The following OPRD1 variants were observed in gnomAD, a reference collection of about 807,000 sequenced individuals.
The protein encoded by OPRD1 is opioid receptor delta 1.
In OPRD1, 19 loss-of-function variants were observed where a neutral mutation model predicts 17.5. The ratio of observed to expected loss-of-function variants is 1.09; its 90% CI spans 0.76 to 1.60. The LOEUF is 1.60. Among genes scored for constraint, OPRD1 ranks in the 40% most tolerant of loss-of-function variants. The pLI is 0.00. For synonymous variants in OPRD1, 256 were observed against 240.9 expected, an observed-to-expected ratio of 1.06 and a Z score of -0.58; for missense variants, 483 against 547.2, an observed-to-expected ratio of 0.88 and a Z score of 1.17.
intron 1 of OPRD1, among the ~76,000 whole-genome samples, chr1:28,829,755 G>A (rs2088796348): frequency 6.6e-6 from 1 of 152,290 alleles, no homozygotes; most frequent in East Asian, 1.9e-4. Context: ...TGTCGCCCAG[G>A]CTGGAGTGCA....
intron 1 of OPRD1, among the ~76,000 whole-genome samples, chr1:28,852,365 A>T (rs2089013234): frequency 6.6e-6 from 1 of 152,124 alleles, no homozygotes; most frequent in South Asian, 2.1e-4. Context: ...AGTGGAGAAA[A>T]TTGGCGCAAT....
At chr1:28,852,592 C>T (rs2089015159) in intron 1 of OPRD1, among the ~76,000 whole-genome samples, 2 of 152,066 alleles carry the variant, frequency 1.3e-5, no homozygotes, top group African/African-American at 4.8e-5. Context: ...ATCGTTTGAG[C>T]CCAGGAGATG....
chr1:28,846,869 T>A, intron 1 of OPRD1, among the ~76,000 whole-genome samples: 2 of 102,032 alleles, frequency 2.0e-5, no homozygotes, highest in Non-Finnish European at 4.2e-5. Flanking sequence ...TTTCTTTCTT[T>A]CTTTCTTTCT....
chr1:28,855,493 T>C (rs1408104193), intron 1 of OPRD1, among the ~76,000 whole-genome samples: 1 of 151,730 alleles, frequency 6.6e-6, no homozygotes, highest in Non-Finnish European at 1.5e-5. Context: ...ATGATTTGTC[T>C]TGGGGCTGGA....
chr1:28,842,325 G>A (rs904563469), intron 1 of OPRD1, among the ~76,000 whole-genome samples: 7 of 152,296 alleles, frequency 4.6e-5, no homozygotes, highest in East Asian at 1.9e-4. Flanking sequence ...CACTGCACCC[G>A]GCCTGAGCAC....
At chr1:28,817,322 G>A (rs1037420550) in intron 1 of OPRD1, among the ~76,000 whole-genome samples, 1 of 152,200 alleles carries the variant, frequency 6.6e-6, no homozygotes, top group African/African-American at 2.4e-5. Context: ...GCAAAGCACC[G>A]CGTTTTCCCT....
intron 1 of OPRD1, among the ~76,000 whole-genome samples, chr1:28,827,489 C>T (rs576620918): frequency 2.0e-5 from 3 of 152,188 alleles, no homozygotes; most frequent in African/African-American, 7.2e-5. Flanking sequence ...GCCATTGCGC[C>T]TAGCTTCAAG....
intron 1 of OPRD1, among the ~76,000 whole-genome samples, chr1:28,819,478 G>C (rs2088694579): frequency 6.6e-6 from 1 of 152,108 alleles, no homozygotes; most frequent in South Asian, 2.1e-4. Context: ...ACTGCGGTGG[G>C]TCCATAGGAG....
chr1:28,861,822 C>T (rs2089124084), intron 2 of OPRD1, among the ~76,000 whole-genome samples: 1 of 23,324 alleles, frequency 4.3e-5, no homozygotes, highest in African/African-American at 2.1e-4. Flanking sequence ...GACTCCCCCA[C>T]ATATATGCCC....
intron 1 of OPRD1, among the ~76,000 whole-genome samples, chr1:28,815,323 G>A (rs1325494365): frequency 1.3e-5 from 2 of 152,126 alleles, no homozygotes; most frequent in Admixed American, 1.3e-4. Flanking sequence ...CTAGGCTGGT[G>A]TCAAACTTCT....
At chr1:28,845,508 A>G (rs1417187867) in intron 1 of OPRD1, among the ~76,000 whole-genome samples, 1 of 151,992 alleles carries the variant, frequency 6.6e-6, no homozygotes, top group Non-Finnish European at 1.5e-5. Flanking sequence ...GATATAGTCC[A>G]ACTTAATGTA....
intron 2 of OPRD1, among the ~76,000 whole-genome samples, chr1:28,861,216 C>T (rs1307814989): frequency 3.3e-5 from 5 of 152,140 alleles, no homozygotes; most frequent in African/African-American, 7.2e-5. Context: ...TCAAGTCCAT[C>T]GTGTGGCTTC....
chr1:28,859,205 G>A lies in OPRD1; in HGVS notation c.479G>A (p.Arg160His), dbSNP rs368939902. 5.0e-6 allele frequency: 8 copies of A among 1,614,098 alleles called. No homozygotes were observed. The highest frequency in any genetic ancestry group is 2.7e-5 in the African/African-American group (2 of 74,948). The change falls in exon 2 of 3, where the codon CGC (arginine) becomes CAC (histidine). Residue 160 changes from arginine (R) to histidine (H), a missense_variant. Coordinates refer to ENST00000234961, the MANE Select transcript of OPRD1 (RefSeq NM_000911.4). ...VCHPVKALDF[R>H]TPAKAKLINI... ...CACCCTGTCAAGGCCCTGGACTTCCGCACGCCTGCCAAGGCCAAGCTGATC... is the reference window on the plus strand; with the variant it reads ...CACCCTGTCAAGGCCCTGGACTTCCACACGCCTGCCAAGGCCAAGCTGATC...
intron 1 of OPRD1, among the ~76,000 whole-genome samples, chr1:28,844,732 C>T (rs76019190): frequency 0.057 from 8,597 of 152,052 alleles, 264 homozygotes; most frequent in South Asian, 0.092. Flanking sequence ...ATTCTGTTGA[C>T]AGTGTCATTT....
chr1:28,833,383 G>T (rs1277609705), intron 1 of OPRD1, among the ~76,000 whole-genome samples: 1 of 152,206 alleles, frequency 6.6e-6, no homozygotes, highest in Non-Finnish European at 1.5e-5. Context: ...GCACCAGTAG[G>T]ATATATTTCA....
At chr1:28,849,034 G>A (rs572044714) in intron 1 of OPRD1, among the ~76,000 whole-genome samples, 78 of 152,242 alleles carry the variant, frequency 5.1e-4, no homozygotes, top group African/African-American at 1.8e-3. Flanking sequence ...TTTTCCTGGA[G>A]AAGTTAACAT....
At chr1:28,832,818 A>T (rs957361190) in intron 1 of OPRD1, among the ~76,000 whole-genome samples, 1 of 152,204 alleles carries the variant, frequency 6.6e-6, no homozygotes, top group Non-Finnish European at 1.5e-5. Context: ...CAAATGAGAG[A>T]ACATGTGTGA....
chr1:28,868,518 TAAG>T lies in OPRD1; in HGVS notation c.*5236_*5238del, dbSNP rs2089193301. On this transcript the variant is annotated 3_prime_UTR_variant, in exon 3 of 3. Coordinates refer to ENST00000234961, the MANE Select transcript of OPRD1 (RefSeq NM_000911.4). ...ACACGTGTGCCAGAGGCAGCTGCTC[TAAG>T]GAGGCTTGCTGGGCTTGGAATTAGA... 6.6e-6 allele frequency: 1 copy of T among 152,256 alleles called. No individual in the cohort carries two copies. The highest frequency in any genetic ancestry group is 1.5e-5 in the Non-Finnish European group (1 of 68,098). 9.4% of individuals were successfully genotyped at this position (152,256 alleles called of 1,614,324 possible). A position where few individuals can be genotyped will look rare whatever the true frequency, so the allele number is the denominator to read the frequency against.
chr1:28,812,528 G>T lies in OPRD1; in HGVS notation c.145G>T (p.Ala49Ser). The T allele has an allele frequency of 6.3e-7, 1 of 1,581,642 alleles. No homozygotes were observed. ...GCGGAGCGCCTCGTCCCTCGCCCTG[G>T]CAATCGCCATCACCGCGCTCTACTC... ...GARSASSLAL[A>S]IAITALYSAV... Residue 49 changes from alanine to serine, a missense_variant, in exon 1 of 3, where the codon GCA (alanine) becomes TCA (serine). Transcript: ENST00000234961.
Sources: gnomAD v4.1 joint callset for allele counts (sites outside exome capture counted in the v4.1 genomes callset) on GRCh38, gnomAD v4.1.1 for gene constraint, MANE v1.5 for transcripts, NCBI Gene and HGNC (gene_info 2026-07-23, HGNC 2026-07-21) for gene names.